Variants in ADAM32 observed in about 807,000 individuals in gnomAD.
ADAM32 encodes ADAM metallopeptidase domain 32.
Under a neutral mutation model 114.9 loss-of-function variants are expected in ADAM32, and 89 were observed. The ratio of observed to expected loss-of-function variants is 0.77; its 90% CI spans 0.65 to 0.92. The LOEUF (loss-of-function observed/expected upper bound fraction) is 0.92. ADAM32 is among the 40% of genes least tolerant of loss of function. The pLI, the probability that ADAM32 is intolerant of heterozygous loss-of-function variation, is 0.00. For missense variants in ADAM32, 870 were observed against 932.8 expected (o/e 0.93, Z 0.88); for synonymous variants, 285 against 307.5 (o/e 0.93, Z 0.77).
intron 2 of ADAM32, among the ~76,000 whole-genome samples, chr8:39,135,154 G>A (rs577015346): frequency 8.5e-5 from 13 of 152,156 alleles, no homozygotes; most frequent in East Asian, 1.9e-4. Flanking sequence ...AAACTCTGTC[G>A]CAAGAAAAAA....
intron 2 of ADAM32, among the ~76,000 whole-genome samples, chr8:39,133,587 G>C (rs1802593770): frequency 6.6e-6 from 1 of 152,180 alleles, no homozygotes; most frequent in African/African-American, 2.4e-5. Flanking sequence ...TCCTCAGGCT[G>C]TCTGGTGGTG....
At chr8:39,133,433 C>T (rs1045251155) in intron 2 of ADAM32, among the ~76,000 whole-genome samples, 2 of 152,212 alleles carry the variant, frequency 1.3e-5, no homozygotes, top group African/African-American at 4.8e-5. Context: ...ATGTTTGTGA[C>T]TGGGGACTGT....
chr8:39,273,637 G>A (rs75931192), intron 20 of ADAM32, among the ~76,000 whole-genome samples: 50 of 152,334 alleles, frequency 3.3e-4, no homozygotes, highest in African/African-American at 1.1e-3. Flanking sequence ...TGTATGTGAT[G>A]TACTTTCATA....
chr8:39,203,739 C>T (rs911536251), intron 11 of ADAM32, among the ~76,000 whole-genome samples: 3 of 152,218 alleles, frequency 2.0e-5, no homozygotes, highest in Non-Finnish European at 4.4e-5. Context: ...ATGGTCTTTA[C>T]AATTTGTCAT....
intron 20 of ADAM32, 104 bp downstream of exon 20, chr8:39,271,018 G>A (rs949396164): frequency 4.9e-5 from 50 of 1,013,936 alleles, no homozygotes; most frequent in Non-Finnish European, 7.2e-5. Flanking sequence ...AATTGGTAAA[G>A]CAATGCACTG....
At chr8:39,238,384 C>T (rs1810335058) in intron 16 of ADAM32, among the ~76,000 whole-genome samples, 1 of 152,196 alleles carries the variant, frequency 6.6e-6, no homozygotes, top group Non-Finnish European at 1.5e-5. Flanking sequence ...AGGGATAGAG[C>T]ACAACATCAA....
intron 16 of ADAM32, among the ~76,000 whole-genome samples, chr8:39,237,885 T>C (rs980269299): frequency 6.6e-6 from 1 of 152,132 alleles, no homozygotes; most frequent in Non-Finnish European, 1.5e-5. Flanking sequence ...CTTACCTGGG[T>C]GACCTTAGGG....
At chr8:39,266,086 C>A (rs999177471) in intron 19 of ADAM32, among the ~76,000 whole-genome samples, 3 of 152,098 alleles carry the variant, frequency 2.0e-5, no homozygotes, top group Admixed American at 6.6e-5. Context: ...TCCCAAGCTG[C>A]CTTTAAGATT....
intron 14 of ADAM32, chr8:39,223,805 C>T (rs1207162381): frequency 6.6e-6 from 1 of 152,076 alleles, no homozygotes; most frequent in Non-Finnish European, 1.5e-5. Flanking sequence ...CATTTCTCCC[C>T]TTACCTCAGC....
At chr8:39,172,088 G>A (rs1341199826) in intron 10 of ADAM32, among the ~76,000 whole-genome samples, 1 of 151,308 alleles carries the variant, frequency 6.6e-6, no homozygotes, top group Non-Finnish European at 1.5e-5. Flanking sequence ...TATTTCTTAT[G>A]ACAGTAAAGC....
At chr8:39,128,481 CTG>C (rs796982699) in intron 2 of ADAM32, among the ~76,000 whole-genome samples, 11 of 152,268 alleles carry the variant, frequency 7.2e-5, no homozygotes, top group African/African-American at 2.6e-4. Context: ...GCTTGCCAGT[CTG>C]TGTCTTTTAA....
intron 2 of ADAM32, 67 bp from the exon 3 acceptor site, chr8:39,136,590 T>C (rs1240912110): frequency 3.1e-6 from 3 of 965,810 alleles, no homozygotes; most frequent in East Asian, 5.6e-5. Context: ...GATTAATTGA[T>C]ATAAAACTGT....
At chr8:39,221,813 A>G in intron 13 of ADAM32, 111 bp downstream of exon 13, 1 of 652,278 alleles carries the variant, frequency 1.5e-6, no homozygotes, top group Admixed American at 3.7e-5. Context: ...CTTTTCAGAT[A>G]AAGAGAAAGA....
In ADAM32 at chr8:39,160,984, C is replaced by G; in HGVS notation, c.594+19C>G. On this transcript the variant is annotated intron_variant, in intron 7 of 24. Coordinates refer to ENST00000379907, the MANE Select transcript of ADAM32 (RefSeq NM_145004.7). ...AACTTTGGTATGTGTTTTGCTTTTT[C>G]TTTGCTTTGAAATATTTGATCCAAA... 3.9e-6 allele frequency: 6 copies of G among 1,546,278 alleles called. No homozygotes were observed. The highest frequency in any genetic ancestry group is 5.3e-6 in the Non-Finnish European group (6 of 1,142,362).
chr8:39,190,090 CTA>C (rs1480043765), intron 11 of ADAM32, among the ~76,000 whole-genome samples: 1 of 152,182 alleles, frequency 6.6e-6, no homozygotes, highest in Non-Finnish European at 1.5e-5. Context: ...AGTGTCTACT[CTA>C]TATCTTTATG....
chr8:39,226,746 A>G (rs578181866), intron 14 of ADAM32, among the ~76,000 whole-genome samples: 2 of 152,332 alleles, frequency 1.3e-5, no homozygotes, highest in East Asian at 3.9e-4. Context: ...TTGCCACTCA[A>G]TCTATCTTAC....
chr8:39,149,243 A>G lies in ADAM32; in HGVS notation c.277-548A>G, dbSNP rs114064979. On this transcript the variant is annotated intron_variant, in intron 4 of 24. Coordinates refer to ENST00000379907, the MANE Select transcript of ADAM32 (RefSeq NM_145004.7). Reference sequence around the variant, plus strand: ...AAGCTGTGTTATTAAGTGAATGCCAATTTGGAATATTTATGTCTTCCTGGC... The same window carrying G: ...AAGCTGTGTTATTAAGTGAATGCCAGTTTGGAATATTTATGTCTTCCTGGC... Among the ~76,000 whole-genome samples the G allele has an allele frequency of 3.0e-3, 450 of 152,228 alleles. 5 individuals are homozygous for G. Among genetic ancestry groups the G allele is most frequent in the African/African-American group, 0.01 (428 of 41,552 alleles).
intron 16 of ADAM32, among the ~76,000 whole-genome samples, chr8:39,236,326 A>G (rs1810142513): frequency 6.6e-6 from 1 of 152,196 alleles, no homozygotes; most frequent in African/African-American, 2.4e-5. Context: ...TGCAATTAAT[A>G]CAAGATATTC....
intron 6 of ADAM32, chr8:39,158,248 G>T (rs1804267340): frequency 4.0e-5 from 1 of 25,158 alleles, no homozygotes; most frequent in East Asian, 5.2e-3. Flanking sequence ...ATTCAAGCAT[G>T]CTGTTGAAGT....
Sources: allele counts gnomAD v4.1 joint callset (sites outside exome capture counted in the v4.1 genomes callset), GRCh38; gene constraint gnomAD v4.1.1; transcripts MANE v1.5; gene names NCBI Gene and HGNC (gene_info 2026-07-23, HGNC 2026-07-21).